Variants in SYCP2L observed in about 807,000 individuals in gnomAD.
SYCP2L encodes synaptonemal complex protein 2-like.
A neutral mutation model predicts 125.8 loss-of-function variants in SYCP2L; 98 were observed. The observed-to-expected ratio is 0.78, with a 90% CI of 0.66 to 0.92. The LOEUF is 0.92. SYCP2L is among the 40% of genes least tolerant of loss of function. SYCP2L has a pLI of 0.00. For synonymous variants in SYCP2L, 317 were observed against 325.4 expected (o/e 0.97, Z 0.28); for missense variants, 842 against 936.4 (o/e 0.90, Z 1.32).
chr6:10,903,264 C>G (rs1015889347), intron 8 of SYCP2L, among the ~76,000 whole-genome samples: 2 of 151,852 alleles, frequency 1.3e-5, no homozygotes, highest in African/African-American at 4.8e-5. Flanking sequence ...AAAACCCCAT[C>G]TCGGCCAGGC....
At chr6:10,902,009 G>C (rs1780382595) in intron 6 of SYCP2L, among the ~76,000 whole-genome samples, 1 of 152,214 alleles carries the variant, frequency 6.6e-6, no homozygotes, top group Non-Finnish European at 1.5e-5. Flanking sequence ...ACCAGCAAAT[G>C]AAAGCCCTAG....
intron 29 of SYCP2L, among the ~76,000 whole-genome samples, chr6:10,971,218 G>A (rs535008079): frequency 6.6e-6 from 1 of 152,110 alleles, no homozygotes; most frequent in Admixed American, 6.5e-5. Flanking sequence ...CAGCACTTTG[G>A]GAGGCCGAGG....
rs186180711 is a variant in SYCP2L, at chr6:10,917,728, T to A, written c.1072+4801T>A. 2.8e-3 allele frequency among the ~76,000 whole-genome samples: 430 copies of A among 152,296 alleles called. 5 individuals carry two copies. The highest frequency in any genetic ancestry group is 9.6e-3 in the African/African-American group (399 of 41,568). ...CTTGGGTTTTGTTTGTAATATTGTA[T>A]TTTTGTTTTATAGGTCCTGTGTGAT... On this transcript the variant is annotated intron_variant, in intron 14 of 29. Transcript: ENST00000283141.
chr6:10,905,934 T>G, intron 8 of SYCP2L, 86 bp from the exon 9 acceptor site: 1 of 830,364 alleles, frequency 1.2e-6, no homozygotes, highest in Non-Finnish European at 1.9e-6. Flanking sequence ...AACATATACT[T>G]TGGTTTTAAA....
At chr6:10,901,723 A>C (rs1425919625) in intron 6 of SYCP2L, among the ~76,000 whole-genome samples, 4 of 152,214 alleles carry the variant, frequency 2.6e-5, no homozygotes, top group African/African-American at 9.7e-5. Context: ...TCTAGTCAAC[A>C]ACTGCTGAGG....
intron 1 of SYCP2L, 127 bp downstream of exon 1, chr6:10,887,262 TCCCCCG>T (rs1780088839): frequency 1.6e-6 from 2 of 1,286,574 alleles, no homozygotes; most frequent in East Asian, 4.8e-5. Context: ...CTGGGCATAG[TCCCCCG>T]CCACCTCCTT....
intron 23 of SYCP2L, among the ~76,000 whole-genome samples, chr6:10,952,250 C>G (rs1181376820): frequency 6.6e-6 from 1 of 152,216 alleles, no homozygotes; most frequent in Non-Finnish European, 1.5e-5. Flanking sequence ...GGTTCTTGTG[C>G]AGGAGCCTGT....
intron 20 of SYCP2L, 44 bp from the exon 21 acceptor site, chr6:10,935,011 GTTT>G: frequency 6.8e-7 from 1 of 1,479,118 alleles, no homozygotes; most frequent in South Asian, 1.3e-5. Context: ...TTGATAACTT[GTTT>G]TTAATTATGA....
intron 26 of SYCP2L, among the ~76,000 whole-genome samples, chr6:10,960,248 T>G (rs1050954499): frequency 6.6e-6 from 1 of 152,204 alleles, no homozygotes; most frequent in Admixed American, 6.5e-5. Context: ...AATACATTAT[T>G]TGAATAGAAA....
chr6:10,963,672 A>C, intron 28 of SYCP2L, 110 bp from the exon 29 acceptor site: 1 of 1,036,870 alleles, frequency 9.6e-7, no homozygotes, highest in South Asian at 1.4e-5. Context: ...ATAATTAAGT[A>C]ATATAATGGT....
At chr6:10,955,058 C>A in intron 23 of SYCP2L, 58 bp from the exon 24 acceptor site, 3 of 1,280,694 alleles carry the variant, frequency 2.3e-6, no homozygotes, top group Non-Finnish European at 2.3e-6. Flanking sequence ...ACATTAACTG[C>A]CAAAAAATGA....
chr6:10,894,064 C>G (rs1466533411), intron 3 of SYCP2L, 21 bp from the exon 4 acceptor site: 1 of 1,603,598 alleles, frequency 6.2e-7, no homozygotes, highest in Non-Finnish European at 8.5e-7. Context: ...AGTGTTTTAA[C>G]TTAGTGTGGT....
chr6:10,900,758 A>G (rs1780362682), intron 6 of SYCP2L, among the ~76,000 whole-genome samples: 1 of 152,114 alleles, frequency 6.6e-6, no homozygotes. Context: ...TACCACACTG[A>G]GGGTTAAGGC....
chr6:10,905,775 G>A (rs1311941748), intron 8 of SYCP2L, among the ~76,000 whole-genome samples: 1 of 152,110 alleles, frequency 6.6e-6, no homozygotes, highest in Non-Finnish European at 1.5e-5. Flanking sequence ...CTTTACAAGA[G>A]GGAAAACAGA....
intron 18 of SYCP2L, chr6:10,930,168 A>G: frequency 2.2e-6 from 1 of 462,688 alleles, no homozygotes; most frequent in Non-Finnish European, 3.7e-6. Flanking sequence ...GTCATCCTAT[A>G]CAACAGCAAC....
chr6:10,946,865 G>A (rs1173937931), intron 23 of SYCP2L, among the ~76,000 whole-genome samples: 1 of 151,718 alleles, frequency 6.6e-6, no homozygotes. Flanking sequence ...CATTTGTAGG[G>A]AATCTGGAAT....
chr6:10,968,046 G>C (rs1225346515), intron 29 of SYCP2L, among the ~76,000 whole-genome samples: 1 of 152,298 alleles, frequency 6.6e-6, no homozygotes, highest in East Asian at 1.9e-4. Context: ...AAGAGAAATA[G>C]AAGCCAGTTC....
At chr6:10,962,554 A>G (rs1247484338) in intron 28 of SYCP2L, among the ~76,000 whole-genome samples, 1 of 152,216 alleles carries the variant, frequency 6.6e-6, no homozygotes, top group Non-Finnish European at 1.5e-5. Context: ...GAGGATCCCC[A>G]AAGACCTTTT....
intron 20 of SYCP2L, among the ~76,000 whole-genome samples, chr6:10,932,400 A>G (rs577522475): frequency 6.6e-6 from 1 of 152,318 alleles, no homozygotes; most frequent in South Asian, 2.1e-4. Flanking sequence ...AGCTATGTAT[A>G]CAGTACAGAG....
Sources: allele counts gnomAD v4.1 joint callset (sites outside exome capture counted in the v4.1 genomes callset), GRCh38; gene constraint gnomAD v4.1.1; transcripts MANE v1.5; gene names NCBI Gene and HGNC (gene_info 2026-07-23, HGNC 2026-07-21).